The following DENND4A variants were observed in gnomAD, a reference collection of about 807,000 sequenced individuals.
DENND4A encodes the protein DENN domain containing 4A.
A neutral mutation model predicts 199.3 loss-of-function variants in DENND4A; 70 were observed. The observed-to-expected ratio is 0.35, with a 90% CI of 0.29 to 0.43. DENND4A has a LOEUF of 0.43. Ranked by LOEUF, DENND4A falls within the 20% of genes least tolerant of loss-of-function variation. DENND4A has a pLI of 1.00. For synonymous variants in DENND4A, 686 were observed against 766.9 expected (o/e 0.89, Z 1.74); for missense variants, 1,723 against 2,255.8 (o/e 0.76, Z 4.78).
intron 24 of DENND4A, 83 bp from the exon 25 acceptor site, chr15:65,671,969 T>C: frequency 1.2e-6 from 1 of 842,706 alleles, no homozygotes; most frequent in Non-Finnish European, 2.0e-6. Flanking sequence ...CCATAAGTTC[T>C]CAGATAAAAT....
intron 1 of DENND4A, among the ~76,000 whole-genome samples, chr15:65,782,617 A>C (rs959777320): frequency 6.6e-6 from 1 of 152,010 alleles, no homozygotes; most frequent in African/African-American, 2.4e-5. Context: ...TGGGCAAAAT[A>C]ACACACACAC....
chr15:65,731,196 A>G (rs1336360235), intron 9 of DENND4A, among the ~76,000 whole-genome samples: 1 of 152,034 alleles, frequency 6.6e-6, no homozygotes, highest in Non-Finnish European at 1.5e-5. Context: ...ATACTTAATG[A>G]TTTCTCTGAA....
intron 1 of DENND4A, among the ~76,000 whole-genome samples, chr15:65,789,463 C>G (rs1457241053): frequency 6.6e-6 from 1 of 151,658 alleles, no homozygotes; most frequent in Non-Finnish European, 1.5e-5. Flanking sequence ...GCCCAGCATC[C>G]TCCCACAAAT....
chr15:65,715,675 C>T (rs2075375461), intron 13 of DENND4A, 52 bp from the exon 14 acceptor site: 2 of 1,472,890 alleles, frequency 1.4e-6, no homozygotes, highest in South Asian at 1.3e-5. Flanking sequence ...TTCATAGATT[C>T]ACAGAATATT....
In DENND4A at chr15:65,660,398, AAGTGT is replaced by A; in HGVS notation, c.*1448_*1452del. 6 of 1,134,192 alleles carry A rather than the reference AAGTGT, an allele frequency of 5.3e-6. No homozygotes were observed. The highest frequency in any genetic ancestry group is 5.1e-6 in the Non-Finnish European group (4 of 784,074). The allele number at this position is 1,134,192 out of a possible 1,614,324, so 70.3% of individuals were successfully genotyped here. ...CAGGACTCCAAGATACCTCCAGTCC[AAGTGT>A]CGTGGACTCTACTGGCTTTATACAC... On this transcript the variant is annotated 3_prime_UTR_variant, in exon 33 of 33. Coordinates refer to ENST00000443035, the MANE Select transcript of DENND4A (RefSeq NM_001320835.1).
intron 7 of DENND4A, among the ~76,000 whole-genome samples, chr15:65,735,720 T>G (rs1054937908): frequency 2.0e-5 from 3 of 152,174 alleles, no homozygotes; most frequent in Admixed American, 1.3e-4. Context: ...TTGTCTTGAT[T>G]TTGGAAATAC....
intron 7 of DENND4A, among the ~76,000 whole-genome samples, chr15:65,736,055 C>A (rs938805937): frequency 2.6e-5 from 4 of 152,172 alleles, no homozygotes; most frequent in African/African-American, 9.7e-5. Context: ...AGCTTGAAAG[C>A]TTCCTAATGC....
Position 65,691,052 on chromosome 15 carries a change from C to T in DENND4A, c.3542G>A (p.Cys1181Tyr). The change falls in exon 23 of 33, where the codon TGT (cysteine) becomes TAT (tyrosine). Residue 1181 changes from cysteine (C) to tyrosine (Y), a missense_variant. Coordinates refer to ENST00000443035, the MANE Select transcript of DENND4A (RefSeq NM_001320835.1). ...CCTCTTGGGATTTTGTGTAGCAACA[C>T]ATCCTGCTTTTGATACATCTGTTTC... The part of the protein sequence containing the change: ...DSETDVSKAG[C>Y]VATQNPKRIQ... 2 of 1,612,844 alleles carry T rather than the reference C, an allele frequency of 1.2e-6. No homozygotes were observed. The highest frequency in any genetic ancestry group is 2.2e-5 in the East Asian group (1 of 44,876).
At chr15:65,691,725 GATTA>G in intron 22 of DENND4A, among the ~76,000 whole-genome samples, 1 of 151,938 alleles carries the variant, frequency 6.6e-6, no homozygotes, top group South Asian at 2.1e-4. Flanking sequence ...CACTCAGAGA[GATTA>G]ATTATCTAGC....
intron 1 of DENND4A, among the ~76,000 whole-genome samples, chr15:65,785,105 G>T (rs1311923092): frequency 6.6e-6 from 1 of 151,070 alleles, no homozygotes; most frequent in East Asian, 1.9e-4. Context: ...CAGCCTGGGT[G>T]ACAGAACGAG....
chr15:65,746,369 C>CTTTTTTT lies in DENND4A; in HGVS notation c.562-4592_562-4586dup, dbSNP rs573935476. On this transcript the variant is annotated intron_variant, in intron 4 of 32. Transcript: ENST00000443035. ...CTTGTTAACAATTCTACTTTTTTCT[C>CTTTTTTT]TTTTTTTTTTTTTTTTTTTTTTTTT... 4.9e-3 allele frequency among the ~76,000 whole-genome samples: 249 copies of CTTTTTTT among 51,326 alleles called. 16 individuals are homozygous for CTTTTTTT. Among genetic ancestry groups the CTTTTTTT allele is most frequent in the Non-Finnish European group, 7.0e-3 (193 of 27,592 alleles). 33.7% of individuals were successfully genotyped at this position (51,326 alleles called of 152,430 possible). A position where few individuals can be genotyped will look rare whatever the true frequency, so the allele number is the denominator to read the frequency against.
At chr15:65,748,702 AT>A (rs1305578378) in intron 4 of DENND4A, among the ~76,000 whole-genome samples, 6 of 151,910 alleles carry the variant, frequency 3.9e-5, no homozygotes, top group African/African-American at 1.5e-4. Context: ...TAAAAACCCA[AT>A]TGTTGGCCAG....
In DENND4A at chr15:65,757,546, T is replaced by C. The variant is rs771641330; in HGVS notation, c.-22-1074A>G. On this transcript the variant is annotated intron_variant, in intron 2 of 32. Transcript: ENST00000443035. The stretch of plus-strand genomic sequence containing the variant: ...AGACCTATCCACTGACACAGGGAGA[T>C]AATAAAGTTGTAGGGAGGGTAGCGG... Among the ~76,000 whole-genome samples the C allele has an allele frequency of 2.6e-5, 4 of 152,214 alleles. No individual in the cohort carries two copies. In the South Asian group the frequency reaches 8.3e-4, roughly 32 times the overall value.
At chr15:65,764,635 A>G (rs1416082179) in intron 1 of DENND4A, among the ~76,000 whole-genome samples, 1 of 152,030 alleles carries the variant, frequency 6.6e-6, no homozygotes, top group Non-Finnish European at 1.5e-5. Context: ...TGTCTCAAAA[A>G]AACCCAATAA....
At chr15:65,752,291 A>G in intron 4 of DENND4A, 88 bp downstream of exon 4, 2 of 539,092 alleles carry the variant, frequency 3.7e-6, no homozygotes, top group Non-Finnish European at 5.1e-6. Context: ...CAAAAAAAAA[A>G]AAAAAAAAAA....
In DENND4A at chr15:65,748,066, A is replaced by G. The variant is rs866917680; in HGVS notation, c.561+4313T>C. ...AAAAAAAAAAAAAAAAAAAAAAAGG[A>G]AAAAAAAAAAGTCTGCTTCCCTACA... On this transcript the variant is annotated intron_variant, in intron 4 of 32. Transcript: ENST00000443035. Among the ~76,000 whole-genome samples the G allele has an allele frequency of 1.5e-4, 19 of 122,750 alleles. No individual in the cohort carries two copies. The East Asian group carries it at 1.8e-3, about 11-fold the overall frequency. 80.5% of individuals were successfully genotyped at this position (122,750 alleles called of 152,430 possible).
At position 65,729,650 on chromosome 15, in the gene DENND4A, T is replaced by A; in HGVS notation, c.1195A>T (p.Asn399Tyr). 1 of 1,556,476 alleles carries A rather than the reference T, an allele frequency of 6.4e-7. No individual in the cohort carries two copies. Among genetic ancestry groups the A allele is most frequent in the Non-Finnish European group, 8.7e-7 (1 of 1,149,674 alleles). ...GTCACAGCATTTTCAGGGCCTAAAT[T>A]CTGCAGTAGTGTTGAAAACTTGCCA... The part of the protein sequence containing the change: ...SGGKFSTLLQ[N>Y]LGPENAVTLL... The change falls in exon 10 of 33, where the codon AAT (asparagine) becomes TAT (tyrosine). Residue 399 changes from asparagine (N) to tyrosine (Y), a missense_variant. Coordinates refer to ENST00000443035, the MANE Select transcript of DENND4A (RefSeq NM_001320835.1).
At position 65,715,635 on chromosome 15, in the gene DENND4A, A is replaced by G. The variant is rs1171021820; in HGVS notation, c.1808-12T>C. 6.5e-7 allele frequency: 1 copy of G among 1,529,480 alleles called. No individual in the cohort carries two copies. Among genetic ancestry groups the G allele is most frequent in the South Asian group, 1.3e-5 (1 of 79,436 alleles). 94.7% of individuals were successfully genotyped at this position (1,529,480 alleles called of 1,614,324 possible). Reference sequence around the variant, plus strand: ...GCTTCTTAAGAAAGCTGTTCAACAAAAATATATAATGTCAGAATACATAAT... The same window carrying G: ...GCTTCTTAAGAAAGCTGTTCAACAAGAATATATAATGTCAGAATACATAAT... On this transcript the variant is annotated splice_polypyrimidine_tract_variant and intron_variant, in intron 13 of 32. Coordinates refer to ENST00000443035, the MANE Select transcript of DENND4A (RefSeq NM_001320835.1).
chr15:65,755,974 G>GA (rs963094547), intron 3 of DENND4A, among the ~76,000 whole-genome samples, 166 bp downstream of exon 3: 6 of 152,188 alleles, frequency 3.9e-5, no homozygotes, highest in Admixed American at 2.6e-4. Context: ...AGGATAAAGA[G>GA]AGACAAAAGG....
Sources: gnomAD v4.1 joint callset for allele counts (sites outside exome capture counted in the v4.1 genomes callset) on GRCh38, gnomAD v4.1.1 for gene constraint, MANE v1.5 for transcripts, NCBI Gene and HGNC (gene_info 2026-07-23, HGNC 2026-07-21) for gene names.